Variants in STXBP5 observed in about 807,000 individuals in gnomAD.
STXBP5 encodes the protein syntaxin-binding protein 5.
Under a neutral mutation model 152.4 loss-of-function variants are expected in STXBP5, and 50 were observed. The observed-to-expected ratio is 0.33, with a 90% CI of 0.26 to 0.42. The LOEUF is 0.42. STXBP5 is among the 10% of genes least tolerant of loss of function. STXBP5 has a pLI of 1.00. For missense variants in STXBP5, 1,167 were observed against 1,388.6 expected (o/e 0.84, Z 2.54); for synonymous variants, 492 against 494.7 (o/e 0.99, Z 0.07).
At chr6:147,303,627 CG>C (rs1218982125) in intron 9 of STXBP5, among the ~76,000 whole-genome samples, 6 of 152,184 alleles carry the variant, frequency 3.9e-5, no homozygotes, top group Non-Finnish European at 7.4e-5. Context: ...TTGGAGGGTT[CG>C]GAAGAAGACA....
intron 9 of STXBP5, among the ~76,000 whole-genome samples, chr6:147,301,982 A>G (rs1360336503): frequency 6.6e-6 from 1 of 152,164 alleles, no homozygotes; most frequent in Non-Finnish European, 1.5e-5. Context: ...TGTCTACTAG[A>G]TTGATAACTC....
chr6:147,318,785 G>T (rs1367130851), intron 16 of STXBP5, among the ~76,000 whole-genome samples: 6 of 152,204 alleles, frequency 3.9e-5, no homozygotes, highest in Non-Finnish European at 8.8e-5. Flanking sequence ...GGATATACAC[G>T]CAATAACATC....
intron 4 of STXBP5, among the ~76,000 whole-genome samples, chr6:147,249,869 A>G (rs1373308244): frequency 6.6e-6 from 1 of 152,244 alleles, no homozygotes; most frequent in Non-Finnish European, 1.5e-5. Flanking sequence ...AGATCTTTTC[A>G]AGAAACCAGA....
chr6:147,358,956 G>C, intron 22 of STXBP5, 128 bp from the exon 23 acceptor site: 1 of 1,087,364 alleles, frequency 9.2e-7, no homozygotes, highest in Non-Finnish European at 1.3e-6. Flanking sequence ...AAAATGAAGT[G>C]AATATTAAAT....
At chr6:147,261,770 T>G (rs1779650817) in intron 5 of STXBP5, among the ~76,000 whole-genome samples, 1 of 151,960 alleles carries the variant, frequency 6.6e-6, no homozygotes, top group Non-Finnish European at 1.5e-5. Flanking sequence ...CTTGGGAGTT[T>G]CTGAATTAGG....
rs191840597 is a variant in STXBP5, at chr6:147,272,841, C to T, written c.715-5240C>T. ...TAATGGGAACAGAAATGTATCTTTG[C>T]ACCCTTGAGCTTTTGTTGCTTTGTA... On this transcript the variant is annotated intron_variant, in intron 7 of 27. Transcript: ENST00000321680. Among the ~76,000 whole-genome samples, 4 of 152,124 alleles carry T rather than the reference C, an allele frequency of 2.6e-5. No homozygotes were observed. The East Asian group carries it at 5.8e-4, about 22-fold the overall frequency.
At position 147,383,535 on chromosome 6, in the gene STXBP5, C is replaced by T. The variant is rs533151773; in HGVS notation, c.3414+537C>T. On this transcript the variant is annotated intron_variant, in intron 27 of 27. Coordinates refer to ENST00000321680, the MANE Select transcript of STXBP5 (RefSeq NM_001127715.4). ...GAAACACACGCTGTAAAGTAGGGATCCCTGACTGGCCCCCTTACACCACAT... is the reference window on the plus strand; with the variant it reads ...GAAACACACGCTGTAAAGTAGGGATTCCTGACTGGCCCCCTTACACCACAT... Among the ~76,000 whole-genome samples the T allele has an allele frequency of 1.4e-3, 220 of 151,778 alleles. 1 individual carries two copies. Among genetic ancestry groups the T allele is most frequent in the African/African-American group, 5.0e-3 (206 of 41,154 alleles).
chr6:147,324,140 A>G (rs1055468044), intron 16 of STXBP5, among the ~76,000 whole-genome samples: 4 of 152,132 alleles, frequency 2.6e-5, no homozygotes, highest in African/African-American at 9.7e-5. Context: ...TTTACAGTGA[A>G]AGTAGGTGCA....
At chr6:147,357,087 C>T (rs1418974096) in intron 22 of STXBP5, among the ~76,000 whole-genome samples, 1 of 152,100 alleles carries the variant, frequency 6.6e-6, no homozygotes, top group Admixed American at 6.6e-5. Flanking sequence ...CTTGCAGTCA[C>T]TTTAGAGTGA....
At chr6:147,371,384 A>C (rs1024018216) in intron 25 of STXBP5, among the ~76,000 whole-genome samples, 1 of 152,126 alleles carries the variant, frequency 6.6e-6, no homozygotes, top group African/African-American at 2.4e-5. Flanking sequence ...TCATAATGTT[A>C]ACCTGTAGAT....
At chr6:147,366,359 T>C (rs1785290179) in intron 25 of STXBP5, among the ~76,000 whole-genome samples, 1 of 152,248 alleles carries the variant, frequency 6.6e-6, no homozygotes, top group Non-Finnish European at 1.5e-5. Flanking sequence ...TGTGTGGATA[T>C]TAGTTTCCTG....
At chr6:147,380,558 C>G (rs1786035321) in intron 26 of STXBP5, among the ~76,000 whole-genome samples, 1 of 151,060 alleles carries the variant, frequency 6.6e-6, no homozygotes, top group Non-Finnish European at 1.5e-5. Flanking sequence ...CTGTAACACT[C>G]TTAGAAGAAA....
intron 7 of STXBP5, among the ~76,000 whole-genome samples, chr6:147,273,318 C>T (rs918747362): frequency 3.9e-5 from 6 of 151,976 alleles, no homozygotes; most frequent in African/African-American, 1.5e-4. Flanking sequence ...GAGCTATGAT[C>T]ACAACACTGC....
chr6:147,263,731 C>G (rs1582861736), intron 6 of STXBP5, among the ~76,000 whole-genome samples: 1 of 151,890 alleles, frequency 6.6e-6, no homozygotes, highest in Non-Finnish European at 1.5e-5. Flanking sequence ...CTTTCCATCT[C>G]TCTGCTGAAT....
intron 9 of STXBP5, among the ~76,000 whole-genome samples, chr6:147,300,193 G>A (rs575838068): frequency 6.6e-6 from 1 of 151,930 alleles, no homozygotes; most frequent in African/African-American, 2.4e-5. Flanking sequence ...TTCATGGATT[G>A]GAAGAATTAA....
chr6:147,214,977 G>C (rs938149090), intron 2 of STXBP5, among the ~76,000 whole-genome samples: 1 of 152,216 alleles, frequency 6.6e-6, no homozygotes, highest in Non-Finnish European at 1.5e-5. Context: ...ATGTGTGTGT[G>C]TGCAGACACT....
At chr6:147,333,241 G>A (rs1040678123) in intron 18 of STXBP5, among the ~76,000 whole-genome samples, 6 of 152,046 alleles carry the variant, frequency 3.9e-5, no homozygotes, top group African/African-American at 1.4e-4. Context: ...TAATTCTCAG[G>A]CTGGGCATGG....
At position 147,260,716 on chromosome 6, in the gene STXBP5, G is replaced by C. The variant is rs1211691669; in HGVS notation, c.533G>C (p.Gly178Ala). 1.2e-6 allele frequency: 2 copies of C among 1,613,530 alleles called. No individual in the cohort carries two copies. Among genetic ancestry groups the C allele is most frequent in the African/African-American group, 2.7e-5 (2 of 74,970 alleles). The change falls in exon 5 of 28, where the codon GGC becomes GCC. Residue 178 changes from glycine (G) to alanine (A), a missense_variant. Coordinates refer to ENST00000321680, the MANE Select transcript of STXBP5 (RefSeq NM_001127715.4). Reference sequence around the variant, plus strand: ...AATGTGGAGTCCTTCACACTCTCAGGCTACGTCATTATGTGGAATAAAGCC... The same window carrying C: ...AATGTGGAGTCCTTCACACTCTCAGCCTACGTCATTATGTGGAATAAAGCC... Reference protein sequence around the residue: ...IVNVESFTLSGYVIMWNKAIE... With the variant: ...IVNVESFTLSAYVIMWNKAIE...
At chr6:147,324,262 TG>T (rs372942153) in intron 16 of STXBP5, among the ~76,000 whole-genome samples, 7,612 of 115,972 alleles carry the variant, frequency 0.066, 1,224 homozygotes, top group South Asian at 0.084. Context: ...GGTTTTTTTT[TG>T]GTTTTTTTTT....
Sources: allele counts gnomAD v4.1 joint callset (sites outside exome capture counted in the v4.1 genomes callset), GRCh38; gene constraint gnomAD v4.1.1; transcripts MANE v1.5; gene names NCBI Gene and HGNC (gene_info 2026-07-23, HGNC 2026-07-21).